The following LEPROTL1 variants were observed in gnomAD, a reference collection of about 807,000 sequenced individuals.
The protein encoded by LEPROTL1 is leptin receptor overlapping transcript-like 1.
In LEPROTL1, 6 loss-of-function variants were observed where a neutral mutation model predicts 15.4. The ratio of observed to expected loss-of-function variants is 0.39; its 90% confidence interval spans 0.21 to 0.77. The LOEUF (loss-of-function observed/expected upper bound fraction) is 0.77. Among genes scored for constraint, LEPROTL1 ranks in the 30% least tolerant of loss-of-function variants. The probability of loss-of-function intolerance (pLI) is 0.41; values close to 1 mark genes in which losing one functional copy is unlikely to be tolerated. For missense variants in LEPROTL1, 128 were observed against 158.1 expected (o/e 0.81, Z 1.02); for synonymous variants, 56 against 52.6 (o/e 1.06, Z -0.28).
chr8:30,116,081 A>T (rs1802737285), intron 3 of LEPROTL1, among the ~76,000 whole-genome samples: 1 of 152,102 alleles, frequency 6.6e-6, no homozygotes, highest in Admixed American at 6.6e-5. Context: ...TCTCTACATA[A>T]ATATAAATAA....
chr8:30,123,318 G>T (rs1047437325), intron 3 of LEPROTL1, among the ~76,000 whole-genome samples: 1 of 152,214 alleles, frequency 6.6e-6, no homozygotes, highest in African/African-American at 2.4e-5. Context: ...GGGAATGACC[G>T]TAGACCATTC....
chr8:30,096,123 C>T (rs1232829252), intron 1 of LEPROTL1: 1 of 227,352 alleles, frequency 4.4e-6, no homozygotes, highest in Non-Finnish European at 7.3e-6. Flanking sequence ...TAGGCGACCC[C>T]AAAGTGCTCC....
At chr8:30,124,936 A>G (rs1045147996) in intron 3 of LEPROTL1, among the ~76,000 whole-genome samples, 8 of 152,202 alleles carry the variant, frequency 5.3e-5, no homozygotes, top group African/African-American at 1.4e-4. Flanking sequence ...TGTGGAAAGC[A>G]TTCCTTTAGT....
downstream of LEPROTL1, among the ~76,000 whole-genome samples, chr8:30,110,378 T>C (rs972748585): frequency 2.7e-4 from 41 of 152,240 alleles, no homozygotes; most frequent in African/African-American, 9.1e-4. Context: ...TGTGTGTGTG[T>C]GCGTGCGCGC....
rs1204851130 is a variant in LEPROTL1 at position 30,095,508 on chromosome 8, C to T, written c.-5C>T. 1 of 1,459,332 alleles carries T rather than the reference C, an allele frequency of 6.9e-7. No homozygotes were observed. The highest frequency in any genetic ancestry group is 1.3e-5 in the South Asian group (1 of 75,924). 90.4% of individuals were successfully genotyped at this position (1,459,332 alleles called of 1,614,324 possible). ...GGTCGTGGAGCCAGGAGCGACGTCA[C>T]CGCCATGGCAGGCATCAAAGGTGGG... On this transcript the variant is annotated 5_prime_UTR_variant, in exon 1 of 4. Transcript: ENST00000321250.
At chr8:30,120,829 A>G (rs1176814642) in intron 3 of LEPROTL1, among the ~76,000 whole-genome samples, 1 of 151,964 alleles carries the variant, frequency 6.6e-6, no homozygotes, top group Non-Finnish European at 1.5e-5. Context: ...ACCACACCCA[A>G]CTGTTTTGTT....
intron 3 of LEPROTL1, among the ~76,000 whole-genome samples, chr8:30,131,525 C>T (rs1395529095): frequency 6.6e-6 from 1 of 152,010 alleles, no homozygotes; most frequent in Non-Finnish European, 1.5e-5. Context: ...ACATAACAAA[C>T]CAATATGATA....
chr8:30,119,026 AG>A (rs1802785740), intron 3 of LEPROTL1, among the ~76,000 whole-genome samples: 1 of 152,266 alleles, frequency 6.6e-6, no homozygotes, highest in Admixed American at 6.5e-5. Flanking sequence ...GCCATATTTC[AG>A]ACTATCACAT....
downstream of LEPROTL1, among the ~76,000 whole-genome samples, chr8:30,111,955 C>T (rs1272346623): frequency 6.6e-6 from 1 of 152,104 alleles, no homozygotes; most frequent in Non-Finnish European, 1.5e-5. Flanking sequence ...TGGTGAGACT[C>T]AGGCTATATT....
chr8:30,110,505 G>A (rs151309236), downstream of LEPROTL1, among the ~76,000 whole-genome samples: 67 of 152,174 alleles, frequency 4.4e-4, no homozygotes, highest in Non-Finnish European at 7.5e-4. Context: ...TTGGGGGGCG[G>A]TGCGGATCAC....
chr8:30,109,051 G>A (rs893123914), downstream of LEPROTL1, among the ~76,000 whole-genome samples: 3 of 118,668 alleles, frequency 2.5e-5, no homozygotes, highest in Non-Finnish European at 4.9e-5. Flanking sequence ...CCGAAAAAAA[G>A]TGCTGGGATT....
Position 30,106,477 on chromosome 8 carries a change from A to ACT in LEPROTL1, c.*615_*616insCT, listed in dbSNP as rs1802570991. 17 of 985,762 alleles carry ACT rather than the reference A, an allele frequency of 1.7e-5. No homozygotes were observed. Among genetic ancestry groups the ACT allele is most frequent in the Non-Finnish European group, 2.0e-5 (17 of 829,936 alleles). 61.1% of individuals were successfully genotyped at this position (985,762 alleles called of 1,614,324 possible). A position where few individuals can be genotyped will look rare whatever the true frequency, so the allele number is the denominator to read the frequency against. On this transcript the variant is annotated 3_prime_UTR_variant, in exon 4 of 4. Coordinates refer to ENST00000321250, the MANE Select transcript of LEPROTL1 (RefSeq NM_015344.3). Reference sequence around the variant, plus strand: ...GTTAAGGGTTGTTGGTTTTACTGGTAGACAGATGTTTTGTGGATTGAAAAT... The same window carrying ACT: ...GTTAAGGGTTGTTGGTTTTACTGGTACTGACAGATGTTTTGTGGATTGAAAAT...
intron 3 of LEPROTL1, chr8:30,131,787 T>G: frequency 1.2e-6 from 1 of 820,624 alleles, no homozygotes; most frequent in South Asian, 1.9e-5. Flanking sequence ...CTAAAGTAGA[T>G]ACACAAATTC....
In LEPROTL1 at chr8:30,107,261, A is replaced by G; in HGVS notation, c.*1399A>G. The stretch of plus-strand genomic sequence containing the variant: ...ATACCTGACCAAAAAATTCCCAGTA[A>G]CCAGGCATGATCAATTTATAGTGGT... On this transcript the variant is annotated 3_prime_UTR_variant, in exon 4 of 4. Coordinates refer to ENST00000321250, the MANE Select transcript of LEPROTL1 (RefSeq NM_015344.3). The G allele has an allele frequency of 1.0e-6, 1 of 985,504 alleles. No individual in the cohort carries two copies. Among genetic ancestry groups the G allele is most frequent in the South Asian group, 4.7e-5 (1 of 21,290 alleles). 61.0% of individuals were successfully genotyped at this position (985,504 alleles called of 1,614,324 possible). A position where few individuals can be genotyped will look rare whatever the true frequency, so the allele number is the denominator to read the frequency against.
intron 3 of LEPROTL1, among the ~76,000 whole-genome samples, chr8:30,105,396 TATGCTGCTTCTTCATAGCCCAGAAGTCA>T (rs1802546456): frequency 6.6e-6 from 1 of 152,146 alleles, no homozygotes; most frequent in South Asian, 2.1e-4. Flanking sequence ...TGTAGAATTT[TATGCTGCTTCTTCATAGCCCAGAAGTCA>T]AGCTTGTTTT....
chr8:30,120,688 G>A (rs1024857799), intron 3 of LEPROTL1, among the ~76,000 whole-genome samples: 7 of 152,018 alleles, frequency 4.6e-5, no homozygotes, highest in African/African-American at 1.2e-4. Flanking sequence ...GAGCCACCAT[G>A]CCTGGCTAAT....
intron 3 of LEPROTL1, among the ~76,000 whole-genome samples, chr8:30,121,358 T>TTC (rs574694764): frequency 0.011 from 1,695 of 152,268 alleles, 21 homozygotes; most frequent in Non-Finnish European, 0.016. Flanking sequence ...GTTCAAGTGA[T>TTC]TCTCCTGCCT....
At chr8:30,126,505 C>T (rs1206377044) in intron 3 of LEPROTL1, among the ~76,000 whole-genome samples, 1 of 152,200 alleles carries the variant, frequency 6.6e-6, no homozygotes, top group East Asian at 1.9e-4. Context: ...GATGAATCAA[C>T]AGACTGAATG....
At chr8:30,137,766 C>A (rs1585486373), downstream of LEPROTL1, 1 of 446,008 alleles carries the variant, frequency 2.2e-6, no homozygotes, top group East Asian at 3.9e-5. Flanking sequence ...TTTCCCAAAA[C>A]AAACCCCCTT....
Sources: allele counts gnomAD v4.1 joint callset (sites outside exome capture counted in the v4.1 genomes callset), GRCh38; gene constraint gnomAD v4.1.1; transcripts MANE v1.5; gene names NCBI Gene and HGNC (gene_info 2026-07-23, HGNC 2026-07-21).